Variants in NAALADL2 observed in about 807,000 individuals in gnomAD.
The protein encoded by NAALADL2 is inactive N-acetylated-alpha-linked acidic dipeptidase-like protein 2.
In NAALADL2, 76 loss-of-function variants were observed where a neutral mutation model predicts 87.2. That is an observed-to-expected ratio of 0.87 (90% CI 0.72 to 1.05). The LOEUF (loss-of-function observed/expected upper bound fraction) is 1.05. Ranked by LOEUF, NAALADL2 falls within the 50% of genes least tolerant of loss-of-function variation. The pLI is 0.00. For synonymous variants in NAALADL2, 354 were observed against 331.0 expected (o/e 1.07, Z -0.75); for missense variants, 1,089 against 945.8 (o/e 1.15, Z -1.99).
At chr3:175,160,529 T>C (rs1733032777) in intron 2 of NAALADL2, among the ~76,000 whole-genome samples, 1 of 151,888 alleles carries the variant, frequency 6.6e-6, no homozygotes, top group African/African-American at 2.4e-5. Context: ...ATTTTGTATT[T>C]TTAATAGAGA....
At chr3:175,066,810 C>T (rs1048787017) in intron 1 of NAALADL2, among the ~76,000 whole-genome samples, 7 of 152,076 alleles carry the variant, frequency 4.6e-5, no homozygotes, top group Non-Finnish European at 7.4e-5. Context: ...GGTGAGATGT[C>T]GCTTGTGAAC....
chr3:175,105,321 C>A (rs58506881), intron 2 of NAALADL2, among the ~76,000 whole-genome samples: 67,089 of 151,214 alleles, frequency 0.44, 14,856 homozygotes, highest in East Asian at 0.52. Flanking sequence ...TCTTTACTGC[C>A]TGAGAAAATG....
intron 3 of NAALADL2, among the ~76,000 whole-genome samples, chr3:174,851,982 G>A (rs1388338635): frequency 6.6e-6 from 1 of 152,032 alleles, no homozygotes; most frequent in Non-Finnish European, 1.5e-5. Context: ...AAATCTATAT[G>A]ATCCTTTCAA....
chr3:175,497,333 T>C (rs894590539), intron 9 of NAALADL2, among the ~76,000 whole-genome samples: 1 of 152,208 alleles, frequency 6.6e-6, no homozygotes, highest in African/African-American at 2.4e-5. Flanking sequence ...GGTAAATAGA[T>C]GAATGTAAAC....
At chr3:174,613,133 C>A (rs141820881) in intron 2 of NAALADL2, among the ~76,000 whole-genome samples, 1 of 152,266 alleles carries the variant, frequency 6.6e-6, no homozygotes, top group African/African-American at 2.4e-5. Context: ...TAGTTTCTCC[C>A]CATCAAATGG....
rs116877849 is a variant in NAALADL2, at chr3:174,887,575, G to T, written c.43+28125G>T. 2.2e-4 allele frequency among the ~76,000 whole-genome samples: 34 copies of T among 152,178 alleles called. No individual in the cohort carries two copies. In the East Asian group the frequency reaches 6.6e-3, roughly 29 times the overall value. ...TTTTGGAATCTGAGGTGGGAGGATT[G>T]CTTGAGCCCAGGAGTTCATGACCAG... On this transcript the variant is annotated intron_variant, in intron 1 of 13. Coordinates refer to ENST00000454872, the MANE Select transcript of NAALADL2 (RefSeq NM_207015.3).
At chr3:174,787,585 A>ATATG (rs1237412206) in intron 3 of NAALADL2, among the ~76,000 whole-genome samples, 8 of 46,914 alleles carry the variant, frequency 1.7e-4, no homozygotes, top group Admixed American at 5.8e-4. Flanking sequence ...TCATATATAT[A>ATATG]TATATATATA....
intron 1 of NAALADL2, among the ~76,000 whole-genome samples, chr3:175,069,604 C>T (rs1157909493): frequency 5.3e-5 from 8 of 150,778 alleles, no homozygotes; most frequent in Admixed American, 2.0e-4. Context: ...GTCAGTGTGG[C>T]GATTCCTCAG....
At chr3:175,422,452 T>C (rs1362382308) in intron 5 of NAALADL2, among the ~76,000 whole-genome samples, 2 of 152,118 alleles carry the variant, frequency 1.3e-5, no homozygotes, top group Non-Finnish European at 2.9e-5. Flanking sequence ...ACAATATTCC[T>C]GTCCTTTAGT....
intron 2 of NAALADL2, among the ~76,000 whole-genome samples, chr3:175,208,217 A>G (rs1454638193): frequency 1.3e-5 from 2 of 151,862 alleles, no homozygotes; most frequent in Non-Finnish European, 2.9e-5. Context: ...AGCTTCCTAT[A>G]TTTTTGCTTT....
chr3:174,546,625 G>A (rs1036983876), intron 1 of NAALADL2, among the ~76,000 whole-genome samples: 7 of 151,986 alleles, frequency 4.6e-5, no homozygotes, highest in African/African-American at 1.7e-4. Flanking sequence ...CCCTTTTTCT[G>A]TCTTGTGACA....
chr3:174,661,800 G>C (rs969340523), intron 2 of NAALADL2, among the ~76,000 whole-genome samples: 8 of 151,916 alleles, frequency 5.3e-5, no homozygotes, highest in African/African-American at 1.7e-4. Context: ...ATCCAATAAA[G>C]AAAATGTGGT....
intron 9 of NAALADL2, among the ~76,000 whole-genome samples, chr3:175,510,888 A>G (rs1731055544): frequency 1.3e-5 from 2 of 152,128 alleles, no homozygotes; most frequent in South Asian, 2.1e-4. Context: ...AGAGTAATGG[A>G]CTTAACATGT....
intron 10 of NAALADL2, among the ~76,000 whole-genome samples, chr3:175,607,525 G>GAATAAAT (rs57220801): frequency 0.039 from 6,009 of 152,148 alleles, 393 homozygotes; most frequent in African/African-American, 0.14. Context: ...AAAGGCAATA[G>GAATAAAT]AGTATACAGA....
At chr3:175,188,719 G>A (rs9790174) in intron 2 of NAALADL2, among the ~76,000 whole-genome samples, 56,387 of 151,804 alleles carry the variant, frequency 0.37, 11,665 homozygotes, top group East Asian at 0.52. Flanking sequence ...AGCCACAAAT[G>A]TGTACCATTC....
chr3:174,912,806 G>C (rs948555613), intron 1 of NAALADL2, among the ~76,000 whole-genome samples: 5 of 152,058 alleles, frequency 3.3e-5, no homozygotes, highest in African/African-American at 1.2e-4. Context: ...GGGCTTCCCT[G>C]TATTGTGGCA....
intron 2 of NAALADL2, among the ~76,000 whole-genome samples, chr3:174,703,293 C>T (rs1256000506): frequency 6.7e-6 from 1 of 149,612 alleles, no homozygotes; most frequent in African/African-American, 2.5e-5. Flanking sequence ...GCACATGCTA[C>T]CATGCCTGGC....
chr3:175,112,553 G>T (rs1198038845), intron 2 of NAALADL2: 1 of 151,536 alleles, frequency 6.6e-6, no homozygotes, highest in Non-Finnish European at 1.5e-5. Context: ...CCTGGCATTA[G>T]GTAGATAAGA....
Position 175,097,267 on chromosome 3 carries a change from C to A in NAALADL2, c.521C>A (p.Ala174Glu), listed in dbSNP as rs781228443. The A allele has an allele frequency of 1.2e-6, 2 of 1,610,528 alleles. No homozygotes were observed. The highest frequency in any genetic ancestry group is 4.5e-5 in the East Asian group (2 of 44,850). ...CAAGAGATTCTCAAGACAATCCAGGCAGAAGATATTAAGAAGTCTTTCAGG... is the reference window on the plus strand; with the variant it reads ...CAAGAGATTCTCAAGACAATCCAGGAAGAAGATATTAAGAAGTCTTTCAGG... The part of the protein sequence containing the change: ...LYQEILKTIQ[A>E]EDIKKSFRNL... The change falls in exon 2 of 14, where the codon GCA (alanine) becomes GAA (glutamate). Residue 174 changes from alanine (A) to glutamate (E), a missense_variant. Ala to Glu is a moderately radical substitution (Grantham distance 107). Transcript: ENST00000454872.
Sources: allele counts gnomAD v4.1 joint callset (sites outside exome capture counted in the v4.1 genomes callset), GRCh38; gene constraint gnomAD v4.1.1; transcripts MANE v1.5; gene names NCBI Gene and HGNC (gene_info 2026-07-23, HGNC 2026-07-21).